The following ALDH2 variants were observed in gnomAD, a reference collection of about 807,000 sequenced individuals.
ALDH2 encodes the protein aldehyde dehydrogenase 2 family member.
ALDH2 carries 44 observed loss-of-function variants against 59.6 expected under a neutral mutation model. The ratio of observed to expected loss-of-function variants is 0.74; its 90% CI spans 0.58 to 0.95. The LOEUF (loss-of-function observed/expected upper bound fraction) is 0.95. Among genes scored for constraint, ALDH2 ranks in the 40% least tolerant of loss-of-function variants. The pLI is 0.00. For synonymous variants in ALDH2, 291 were observed against 284.0 expected (o/e 1.02, Z -0.25); for missense variants, 570 against 696.3 (o/e 0.82, Z 2.04).
chr12:111,783,500 T>TTTTTG (rs1231825536), intron 3 of ALDH2, among the ~76,000 whole-genome samples: 2 of 152,058 alleles, frequency 1.3e-5, no homozygotes, highest in Admixed American at 1.3e-4. Context: ...CTCCTTTGTT[T>TTTTTG]TTTTGTTTTG....
At chr12:111,789,153 G>A (rs2068335866) in intron 4 of ALDH2, among the ~76,000 whole-genome samples, 3 of 150,624 alleles carry the variant, frequency 2.0e-5, no homozygotes, top group Admixed American at 1.3e-4. Context: ...GAGGTGCTGG[G>A]ATTACAGGCA....
rs530839095 is a variant in ALDH2 at position 111,800,195 on chromosome 12, C to T, written c.1406+132C>T. The T allele has an allele frequency of 4.2e-4, 483 of 1,146,336 alleles. 5 individuals carry two copies. In the South Asian group the frequency reaches 7.4e-3, roughly 18 times the overall value. The allele number at this position is 1,146,336 out of a possible 1,614,324, so 71.0% of individuals were successfully genotyped here. A position where few individuals can be genotyped will look rare whatever the true frequency, so the allele number is the denominator to read the frequency against. On this transcript the variant is annotated intron_variant, in intron 11 of 12. Transcript: ENST00000261733. ...TTTCTCCTGGGTCAGGGTGTGATGT[C>T]GATTTGAGAGGTCCTGCTACCTCAC...
chr12:111,808,425 C>T (rs2068513084), intron 12 of ALDH2, among the ~76,000 whole-genome samples: 1 of 152,122 alleles, frequency 6.6e-6, no homozygotes, highest in African/African-American at 2.4e-5. Context: ...AAGAAAGCGG[C>T]CAGGCGCGGT....
intron 1 of ALDH2, 59 bp from the exon 2 acceptor site, chr12:111,781,859 C>A: frequency 5.9e-6 from 7 of 1,179,042 alleles, no homozygotes; most frequent in Non-Finnish European, 7.5e-6. Context: ...CCTTACAATA[C>A]TGGTAGTCAG....
rs1195125099 is a variant in ALDH2, at chr12:111,789,895, A to G, written c.513A>G (p.Thr171=). The G allele has an allele frequency of 1.2e-6, 2 of 1,614,124 alleles. No homozygotes were observed. The highest frequency in any genetic ancestry group is 2.2e-5 in the South Asian group (2 of 91,074). ...IPIDGDFFSY[T]RHEPVGVCGQ... ...TTGACGGAGACTTCTTCAGCTACACACGCCATGAACCTGTGGGGGTGTGCG... is the reference window on the plus strand; with the variant it reads ...TTGACGGAGACTTCTTCAGCTACACGCGCCATGAACCTGTGGGGGTGTGCG... Residue 171 remains threonine (T), a synonymous_variant, in exon 5 of 13, where the codon ACA becomes ACG. Transcript: ENST00000261733.
Position 111,813,544 on chromosome 12 carries a change from A to G in ALDH2, c.*3969A>G, listed in dbSNP as rs1038974966. 7 of 152,272 alleles carry G rather than the reference A, an allele frequency of 4.6e-5. No homozygotes were observed. Among genetic ancestry groups the G allele is most frequent in the Admixed American group, 4.6e-4 (7 of 15,280 alleles). 9.4% of individuals were successfully genotyped at this position (152,272 alleles called of 1,614,324 possible). A position where few individuals can be genotyped will look rare whatever the true frequency, so the allele number is the denominator to read the frequency against. On this transcript the variant is annotated 3_prime_UTR_variant, in exon 13 of 13. Transcript: ENST00000261733. ...ACAGCAGCACTATTCACGACAGCTC[A>G]GAGATGGAATCAACCCAAATATCAG...
chr12:111,782,536 CAT>C (rs1455210320), intron 2 of ALDH2, among the ~76,000 whole-genome samples: 1 of 151,510 alleles, frequency 6.6e-6, no homozygotes. Context: ...CCCGGGGAAA[CAT>C]AGTGAGATAC....
At chr12:111,803,544 A>T (rs2068470510) in intron 11 of ALDH2, among the ~76,000 whole-genome samples, 3 of 152,064 alleles carry the variant, frequency 2.0e-5, no homozygotes, top group Admixed American at 2.0e-4. Context: ...GTTGGAGACC[A>T]GCCTGGGTAA....
At chr12:111,796,651 C>T (rs1354931013) in intron 9 of ALDH2, among the ~76,000 whole-genome samples, 1 of 152,002 alleles carries the variant, frequency 6.6e-6, no homozygotes, top group African/African-American at 2.4e-5. Flanking sequence ...CCCTGTAGTC[C>T]TAACACTTGG....
chr12:111,809,270 A>C (rs537502637), intron 12 of ALDH2, among the ~76,000 whole-genome samples: 1 of 152,252 alleles, frequency 6.6e-6, no homozygotes. Flanking sequence ...CCTGGGCAAC[A>C]TAGTGACACC....
At chr12:111,785,018 G>A (rs2068299376) in intron 3 of ALDH2, among the ~76,000 whole-genome samples, 1 of 152,190 alleles carries the variant, frequency 6.6e-6, no homozygotes, top group Admixed American at 6.5e-5. Flanking sequence ...AGCTAAAAGA[G>A]TGTGTTTATG....
intron 1 of ALDH2, among the ~76,000 whole-genome samples, chr12:111,768,034 G>GT (rs2068172486): frequency 6.6e-6 from 1 of 152,206 alleles, no homozygotes; most frequent in South Asian, 2.1e-4. Flanking sequence ...GCGTCTACCT[G>GT]TTTTGCAATT....
At chr12:111,794,079 C>T (rs1190327747) in intron 9 of ALDH2, among the ~76,000 whole-genome samples, 1 of 137,088 alleles carries the variant, frequency 7.3e-6, no homozygotes, top group Non-Finnish European at 1.5e-5. Context: ...AGTGCAGTGG[C>T]GTGATCTCGG....
intron 1 of ALDH2, among the ~76,000 whole-genome samples, chr12:111,770,498 C>T (rs2068191287): frequency 6.6e-6 from 1 of 152,142 alleles, no homozygotes; most frequent in Non-Finnish European, 1.5e-5. Flanking sequence ...CAGGGTCTCT[C>T]ACTGTTGCCC....
chr12:111,788,146 G>T (rs1156580115), intron 4 of ALDH2, among the ~76,000 whole-genome samples: 1 of 151,454 alleles, frequency 6.6e-6, no homozygotes, highest in Non-Finnish European at 1.5e-5. Flanking sequence ...GGAGGCGGAG[G>T]TTGCAGTGAG....
chr12:111,786,213 A>G (rs2068307245), intron 4 of ALDH2, among the ~76,000 whole-genome samples: 1 of 152,112 alleles, frequency 6.6e-6, no homozygotes, highest in Admixed American at 6.6e-5. Flanking sequence ...TTAATCAAAA[A>G]TGTTTGATTG....
intron 11 of ALDH2, among the ~76,000 whole-genome samples, chr12:111,803,117 G>A (rs922466441): frequency 2.1e-4 from 32 of 151,370 alleles, no homozygotes; most frequent in African/African-American, 4.4e-4. Context: ...CCTGGGAGGC[G>A]GAGGTTGCAG....
intron 1 of ALDH2, 42 bp from the exon 2 acceptor site, chr12:111,781,876 G>T (rs981036077): frequency 1.4e-5 from 21 of 1,474,992 alleles, no homozygotes; most frequent in Non-Finnish European, 1.8e-5. Context: ...TCAGTATTAG[G>T]TTGACAGCTG....
At chr12:111,799,857 CA>C in intron 10 of ALDH2, 48 bp from the exon 11 acceptor site, 1 of 1,577,388 alleles carries the variant, frequency 6.3e-7, no homozygotes, top group East Asian at 2.3e-5. Flanking sequence ...AGCTCGATGG[CA>C]GGTGCCTCCG....
Sources: gnomAD v4.1 joint callset for allele counts (sites outside exome capture counted in the v4.1 genomes callset) on GRCh38, gnomAD v4.1.1 for gene constraint, MANE v1.5 for transcripts, NCBI Gene and HGNC (gene_info 2026-07-23, HGNC 2026-07-21) for gene names.